ITGBL1: variants seen among roughly 807,000 people sequenced by gnomAD.
ITGBL1 encodes the protein integrin subunit beta like 1, also known as integrin beta-like protein 1.
ITGBL1 carries 51 observed loss-of-function variants against 68.5 expected under a neutral mutation model. That is an observed-to-expected ratio of 0.74 (90% CI 0.59 to 0.94). The LOEUF (loss-of-function observed/expected upper bound fraction) is 0.94, where lower values mean the gene tolerates loss of function less well. Among genes scored for constraint, ITGBL1 ranks in the 40% least tolerant of loss-of-function variants. ITGBL1 has a pLI of 0.00. For synonymous variants in ITGBL1, 209 were observed against 227.3 expected, an observed-to-expected ratio of 0.92 and a Z score of 0.72; for missense variants, 649 against 647.4, an observed-to-expected ratio of 1.00 and a Z score of -0.03.
intron 2 of ITGBL1, among the ~76,000 whole-genome samples, chr13:101,495,000 A>T (rs996601554): frequency 6.6e-6 from 1 of 152,206 alleles, no homozygotes; most frequent in Non-Finnish European, 1.5e-5. Context: ...ATTATTTCAC[A>T]CAAGTGCTAT....
rs2034694213 is a variant in ITGBL1 at position 101,715,769 on chromosome 13, T to A, written c.*115T>A. ...ACAGGTTAAAAAGACCATTGTATGT[T>A]TTTCTATTTCTGAATTACGAATGAA... On this transcript the variant is annotated 3_prime_UTR_variant, in exon 11 of 11. Coordinates refer to ENST00000376180, the MANE Select transcript of ITGBL1 (RefSeq NM_004791.3). 1.3e-5 allele frequency: 8 copies of A among 608,538 alleles called. No individual in the cohort carries two copies. The highest frequency in any genetic ancestry group is 2.4e-5 in the Non-Finnish European group (8 of 339,238). 37.7% of individuals were successfully genotyped at this position (608,538 alleles called of 1,614,324 possible).
At chr13:101,471,550 G>C (rs202004082) in intron 2 of ITGBL1, among the ~76,000 whole-genome samples, 3 of 133,148 alleles carry the variant, frequency 2.3e-5, no homozygotes, top group Admixed American at 1.7e-4. Context: ...GTGTGTGTGT[G>C]TGTGTGTGTG....
At chr13:101,575,602 T>G (rs2139271341) in intron 4 of ITGBL1, 56 bp downstream of exon 4, 3 of 1,547,874 alleles carry the variant, frequency 1.9e-6, no homozygotes, top group East Asian at 4.5e-5. Context: ...TTCACCTATT[T>G]CATTGTTCTT....
chr13:101,555,811 A>T (rs370616514), intron 2 of ITGBL1, among the ~76,000 whole-genome samples: 4 of 152,154 alleles, frequency 2.6e-5, no homozygotes, highest in African/African-American at 9.7e-5. Context: ...TTTTGTGGAC[A>T]TTCTCCAGGA....
intron 6 of ITGBL1, among the ~76,000 whole-genome samples, chr13:101,594,555 C>T (rs1260145635): frequency 6.6e-6 from 1 of 151,878 alleles, no homozygotes; most frequent in African/African-American, 2.4e-5. Context: ...CACCAGAACA[C>T]AGACAACAAA....
chr13:101,714,565 C>T lies in ITGBL1; in HGVS notation c.1393+14C>T, dbSNP rs1243340341. ...TCATTTGTACAGGTGCAGTATTAAC[C>T]TTTTCTAATTGCTCTATGCCACAGT... On this transcript the variant is annotated intron_variant, in intron 10 of 10. Coordinates refer to ENST00000376180, the MANE Select transcript of ITGBL1 (RefSeq NM_004791.3). The T allele has an allele frequency of 1.4e-6, 2 of 1,424,702 alleles. No homozygotes were observed. Among genetic ancestry groups the T allele is most frequent in the Admixed American group, 3.3e-5 (2 of 59,764 alleles). The allele number at this position is 1,424,702 out of a possible 1,614,324, so 88.3% of individuals were successfully genotyped here. A position where few individuals can be genotyped will look rare whatever the true frequency, so the allele number is the denominator to read the frequency against.
At chr13:101,527,119 A>G (rs997100876) in intron 2 of ITGBL1, among the ~76,000 whole-genome samples, 1 of 152,022 alleles carries the variant, frequency 6.6e-6, no homozygotes, top group African/African-American at 2.4e-5. Flanking sequence ...TTTGACTTCA[A>G]TGAATCGCAC....
intron 2 of ITGBL1, among the ~76,000 whole-genome samples, chr13:101,557,727 T>G (rs2050030540): frequency 6.6e-6 from 1 of 152,156 alleles, no homozygotes; most frequent in Non-Finnish European, 1.5e-5. Context: ...TTGGTAGACG[T>G]TAAGTTCTCA....
At chr13:101,693,397 TA>T (rs1310324732) in intron 8 of ITGBL1, among the ~76,000 whole-genome samples, 10 of 152,334 alleles carry the variant, frequency 6.6e-5, no homozygotes, top group Non-Finnish European at 1.0e-4. Context: ...GGAATTACAT[TA>T]CAAGAAAATA....
intron 2 of ITGBL1, among the ~76,000 whole-genome samples, chr13:101,472,404 A>G (rs2048474475): frequency 6.6e-6 from 1 of 152,186 alleles, no homozygotes; most frequent in South Asian, 2.1e-4. Flanking sequence ...GTTTTGTTAC[A>G]TTACTTTAAT....
chr13:101,598,235 G>A lies in ITGBL1; in HGVS notation c.951G>A (p.Thr317=), dbSNP rs367918496. The part of the protein sequence containing the change: ...GKKCEHPQSC[T]LSAEESIRKC... ...AGTGTGAGCACCCACAGTCCTGCAC[G>A]CTGTCAGCTGAGGAGAGCATCAGGA... The change falls in exon 7 of 11, where the codon ACG becomes ACA. Residue 317 remains threonine (T), a synonymous_variant. Coordinates refer to ENST00000376180, the MANE Select transcript of ITGBL1 (RefSeq NM_004791.3). 1,295 of 1,613,594 alleles carry A rather than the reference G, an allele frequency of 8.0e-4. 17 individuals are homozygous for A. The South Asian group carries it at 0.013, about 17-fold the overall frequency.
intron 2 of ITGBL1, among the ~76,000 whole-genome samples, chr13:101,519,631 C>A (rs529252327): frequency 6.6e-6 from 1 of 152,062 alleles, no homozygotes; most frequent in Non-Finnish European, 1.5e-5. Context: ...TAAATGCATG[C>A]GTTTTTCCTT....
At chr13:101,460,396 G>GCTCACCCA (rs2048302057) in intron 2 of ITGBL1, among the ~76,000 whole-genome samples, 1 of 152,154 alleles carries the variant, frequency 6.6e-6, no homozygotes, top group African/African-American at 2.4e-5. Flanking sequence ...TTCCCCACTA[G>GCTCACCCA]CTCACCCACT....
intron 2 of ITGBL1, among the ~76,000 whole-genome samples, chr13:101,512,109 G>T (rs540616037): frequency 1.3e-5 from 2 of 152,024 alleles, no homozygotes; most frequent in Non-Finnish European, 2.9e-5. Context: ...TCGACTACTC[G>T]TCCTATTTTT....
intron 2 of ITGBL1, among the ~76,000 whole-genome samples, chr13:101,550,451 T>A (rs2049902793): frequency 6.6e-6 from 1 of 152,144 alleles, no homozygotes; most frequent in Admixed American, 6.5e-5. Context: ...TGTGTTGCCT[T>A]TTGGGAAGTA....
intron 2 of ITGBL1, among the ~76,000 whole-genome samples, chr13:101,459,330 T>C (rs1191382542): frequency 6.6e-6 from 1 of 152,214 alleles, no homozygotes; most frequent in Non-Finnish European, 1.5e-5. Flanking sequence ...TGTAACAGTA[T>C]CCTTATGGAT....
chr13:101,590,379 A>G (rs529542359), intron 6 of ITGBL1, among the ~76,000 whole-genome samples: 112 of 151,992 alleles, frequency 7.4e-4, no homozygotes, highest in Middle Eastern at 3.4e-3. Context: ...CTTTATCCCC[A>G]AGGTTTCTAT....
intron 2 of ITGBL1, among the ~76,000 whole-genome samples, chr13:101,551,499 A>G (rs536147579): frequency 6.6e-6 from 1 of 152,262 alleles, no homozygotes; most frequent in East Asian, 1.9e-4. Context: ...GGCTGGAGAA[A>G]AGGGAGCAAG....
chr13:101,657,281 GCTT>G (rs901133371), intron 7 of ITGBL1, among the ~76,000 whole-genome samples: 26 of 152,196 alleles, frequency 1.7e-4, no homozygotes, highest in African/African-American at 5.5e-4. Flanking sequence ...TTATTATTTT[GCTT>G]CTTGATAAAA....
Sources: allele counts gnomAD v4.1 joint callset (sites outside exome capture counted in the v4.1 genomes callset), GRCh38; gene constraint gnomAD v4.1.1; transcripts MANE v1.5; gene names NCBI Gene and HGNC (gene_info 2026-07-23, HGNC 2026-07-21).